The following EPHA7 variants were observed in gnomAD, a reference collection of about 807,000 sequenced individuals.
EPHA7 encodes ephrin type-A receptor 7.
EPHA7 carries 25 observed loss-of-function variants against 112.6 expected under a neutral mutation model. The observed-to-expected ratio is 0.22, with a 90% CI of 0.16 to 0.31. The LOEUF (loss-of-function observed/expected upper bound fraction) is 0.31. Ranked by LOEUF, EPHA7 falls within the 10% of genes least tolerant of loss-of-function variation. The pLI, the probability that EPHA7 is intolerant of heterozygous loss-of-function variation, is 1.00. For synonymous variants in EPHA7, 437 were observed against 406.5 expected, an observed-to-expected ratio of 1.07 and a Z score of -0.90; for missense variants, 962 against 1,212.6, an observed-to-expected ratio of 0.79 and a Z score of 3.07.
At chr6:93,378,190 C>A in intron 3 of EPHA7, among the ~76,000 whole-genome samples, 1 of 151,846 alleles carries the variant, frequency 6.6e-6, no homozygotes, top group East Asian at 1.9e-4. Flanking sequence ...TGCCTTGAGG[C>A]AATGTCAAAG....
intron 5 of EPHA7, among the ~76,000 whole-genome samples, chr6:93,277,569 A>G (rs1771529216): frequency 6.6e-6 from 1 of 151,990 alleles, no homozygotes; most frequent in Non-Finnish European, 1.5e-5. Context: ...CGTCTGTCAA[A>G]TTATCTTTGG....
intron 5 of EPHA7, among the ~76,000 whole-genome samples, chr6:93,288,776 T>C (rs1772203353): frequency 6.6e-6 from 1 of 152,200 alleles, no homozygotes; most frequent in Admixed American, 6.5e-5. Context: ...ACTGTTCTTT[T>C]CTTAAAGTGA....
intron 3 of EPHA7, among the ~76,000 whole-genome samples, chr6:93,379,273 T>C (rs1296375455): frequency 6.6e-6 from 1 of 152,060 alleles, no homozygotes; most frequent in Non-Finnish European, 1.5e-5. Context: ...TGCCTCTTCC[T>C]CCAAAACATA....
chr6:93,395,855 T>C (rs111406776), intron 3 of EPHA7, among the ~76,000 whole-genome samples: 1 of 151,850 alleles, frequency 6.6e-6, no homozygotes, highest in Non-Finnish European at 1.5e-5. Flanking sequence ...GAAAGTGTCA[T>C]AGTTTGGGTC....
chr6:93,280,057 G>T (rs1208400983), intron 5 of EPHA7, among the ~76,000 whole-genome samples: 8 of 152,120 alleles, frequency 5.3e-5, no homozygotes. Context: ...ATAAAGAGTT[G>T]TATGAATTGC....
At chr6:93,347,358 T>A (rs1307163268) in intron 5 of EPHA7, among the ~76,000 whole-genome samples, 1 of 151,858 alleles carries the variant, frequency 6.6e-6, no homozygotes, top group African/African-American at 2.4e-5. Context: ...GTCTTGGACA[T>A]TGAAAATAAA....
rs549109613 is a variant in EPHA7 at position 93,368,682 on chromosome 6, T to A, written c.833-10271A>T. Among the ~76,000 whole-genome samples the A allele has an allele frequency of 1.6e-4, 25 of 152,288 alleles. No homozygotes were observed. The East Asian group carries it at 3.3e-3, about 20-fold the overall frequency. On this transcript the variant is annotated intron_variant, in intron 3 of 16. Coordinates refer to ENST00000369303, the MANE Select transcript of EPHA7 (RefSeq NM_004440.4). ...AAAAAGAAGATAATTAATTTCATCT[T>A]AATTTCCTAAAATAAAGAGCTATAC...
intron 5 of EPHA7, among the ~76,000 whole-genome samples, chr6:93,273,453 A>G (rs909359708): frequency 3.3e-5 from 5 of 151,952 alleles, no homozygotes; most frequent in Non-Finnish European, 7.4e-5. Context: ...CGTTTAAGCA[A>G]CCTTCCGATG....
intron 5 of EPHA7, among the ~76,000 whole-genome samples, chr6:93,300,288 A>G (rs1772913056): frequency 6.6e-6 from 1 of 152,228 alleles, no homozygotes; most frequent in South Asian, 2.1e-4. Flanking sequence ...GATAATAGCT[A>G]GAAACATTTG....
chr6:93,358,236 A>T lies in EPHA7; in HGVS notation c.988+20T>A. On this transcript the variant is annotated intron_variant, in intron 4 of 16. Coordinates refer to ENST00000369303, the MANE Select transcript of EPHA7 (RefSeq NM_004440.4). ...AGTGGAAGGGATTGGAAAGTCCTTT[A>T]CTTTCATAATACAACTCACTTGTGC... 3 of 1,576,660 alleles carry T rather than the reference A, an allele frequency of 1.9e-6. No individual in the cohort carries two copies. The highest frequency in any genetic ancestry group is 2.6e-6 in the Non-Finnish European group (3 of 1,159,984).
intron 3 of EPHA7, among the ~76,000 whole-genome samples, chr6:93,388,303 GA>G (rs1251155865): frequency 1.3e-5 from 2 of 152,166 alleles, no homozygotes; most frequent in South Asian, 2.1e-4. Flanking sequence ...CATTTAAGTT[GA>G]CATCTTTTCA....
chr6:93,419,297 G>A lies in EPHA7; in HGVS notation c.45C>T (p.Tyr15=), dbSNP rs749824395. The A allele has an allele frequency of 3.1e-6, 5 of 1,614,188 alleles. No individual in the cohort carries two copies. Among genetic ancestry groups the A allele is most frequent in the Non-Finnish European group, 4.2e-6 (5 of 1,180,008 alleles). The part of the protein sequence containing the change: ...TRYPSWIILC[Y]IWLLRFAHTG... ...TGTGTGCAAAGCGGAGCAGCCAGAT[G>A]TAGCATAAAATAATCCATGAAGGGT... The change falls in exon 1 of 17, where the codon TAC becomes TAT. Residue 15 remains tyrosine, a synonymous_variant. Transcript: ENST00000369303.
intron 3 of EPHA7, among the ~76,000 whole-genome samples, chr6:93,395,612 C>CA (rs1289597831): frequency 2.0e-5 from 3 of 148,392 alleles, no homozygotes; most frequent in African/African-American, 7.4e-5. Flanking sequence ...CACACACACA[C>CA]ATCTGTCCGT....
intron 4 of EPHA7, among the ~76,000 whole-genome samples, chr6:93,357,855 T>A (rs1350319471): frequency 6.6e-6 from 1 of 152,120 alleles, no homozygotes; most frequent in Non-Finnish European, 1.5e-5. Flanking sequence ...GGTTTCACCA[T>A]GTTGGCCAGG....
At chr6:93,406,234 A>G (rs905541505) in intron 3 of EPHA7, among the ~76,000 whole-genome samples, 2 of 151,714 alleles carry the variant, frequency 1.3e-5, no homozygotes, top group African/African-American at 2.4e-5. Flanking sequence ...TAATGCAAGT[A>G]AATCACATTT....
chr6:93,412,969 T>A (rs1180824941), intron 2 of EPHA7, among the ~76,000 whole-genome samples: 6 of 151,968 alleles, frequency 3.9e-5, no homozygotes, highest in Non-Finnish European at 7.4e-5. Context: ...CAGAGGGGAA[T>A]GCTTCAGGAA....
rs201361951 is a variant in EPHA7, at chr6:93,411,135, G to A, written c.198C>T (p.Thr66=). The part of the protein sequence containing the change: ...EEISGLDENY[T]PIRTYQVCQV... ...GGCACACCTGGTATGTTCGTATCGGGGTATAGTTCTCATCCAAACCACTAA... is the reference window on the plus strand; with the variant it reads ...GGCACACCTGGTATGTTCGTATCGGAGTATAGTTCTCATCCAAACCACTAA... Residue 66 remains threonine (T), a synonymous_variant, in exon 3 of 17, where the codon ACC becomes ACT. Coordinates refer to ENST00000369303, the MANE Select transcript of EPHA7 (RefSeq NM_004440.4). 4.3e-6 allele frequency: 7 copies of A among 1,613,424 alleles called. No individual in the cohort carries two copies. Among genetic ancestry groups the A allele is most frequent in the Non-Finnish European group, 5.9e-6 (7 of 1,179,816 alleles).
At chr6:93,367,303 G>A (rs770235203) in intron 3 of EPHA7, among the ~76,000 whole-genome samples, 15 of 152,034 alleles carry the variant, frequency 9.9e-5, no homozygotes, top group Non-Finnish European at 2.2e-4. Context: ...CCACTGCCAA[G>A]TTTATTTTCA....
chr6:93,275,887 A>T (rs1771446016), intron 5 of EPHA7, among the ~76,000 whole-genome samples: 1 of 151,988 alleles, frequency 6.6e-6, no homozygotes, highest in African/African-American at 2.4e-5. Context: ...ATCAATTTCC[A>T]ACTAAAATTC....
Sources: gnomAD v4.1 joint callset for allele counts (sites outside exome capture counted in the v4.1 genomes callset) on GRCh38, gnomAD v4.1.1 for gene constraint, MANE v1.5 for transcripts, NCBI Gene and HGNC (gene_info 2026-07-23, HGNC 2026-07-21) for gene names.